The following CLEC12A variants were observed in gnomAD, a reference collection of about 807,000 sequenced individuals.
CLEC12A encodes C-type lectin domain family 12 member A, also known as C-type lectin protein CLL-1.
CLEC12A carries 22 observed loss-of-function variants against 26.5 expected under a neutral mutation model. That is an observed-to-expected ratio of 0.83 (90% CI 0.59 to 1.19). The LOEUF is 1.19. Ranked by LOEUF, CLEC12A falls within the 50% of genes most tolerant of loss-of-function variation. The pLI is 0.00. For synonymous variants in CLEC12A, 119 were observed against 101.9 expected (o/e 1.17, Z -1.01); for missense variants, 353 against 315.6 (o/e 1.12, Z -0.90).
At chr12:9,968,410 G>C (rs767378011), upstream of CLEC12A, among the ~76,000 whole-genome samples, 17 of 152,198 alleles carry the variant, frequency 1.1e-4, no homozygotes, top group Admixed American at 5.9e-4. Context: ...TATAAGATTT[G>C]GGTAGGTAAA....
chr12:9,962,021 C>T (rs1969785), intron 1 of CLEC12A, among the ~76,000 whole-genome samples: 4 of 151,934 alleles, frequency 2.6e-5, no homozygotes, highest in Non-Finnish European at 4.4e-5. Flanking sequence ...GAGTTGTTCT[C>T]GCTGAGTGTA....
chr12:9,971,550 C>G lies in CLEC12A; in HGVS notation c.-47C>G. On this transcript the variant is annotated 5_prime_UTR_variant, in exon 1 of 6. In the 5' UTR this introduces an upstream ATG that the reference lacks. Transcript: ENST00000304361. Reference sequence around the variant, plus strand: ...CATTCAGCTCTGTTAACTCACTCATCTTTTTGTGTTTTTACACTTTGTCAA... The same window carrying G: ...CATTCAGCTCTGTTAACTCACTCATGTTTTTGTGTTTTTACACTTTGTCAA... The G allele has an allele frequency of 6.3e-7, 1 of 1,582,572 alleles. No homozygotes were observed. The highest frequency in any genetic ancestry group is 1.2e-5 in the South Asian group (1 of 84,918).
intron 3 of CLEC12A, 89 bp downstream of exon 3, chr12:9,979,613 C>A: frequency 2.0e-6 from 2 of 978,920 alleles, no homozygotes; most frequent in African/African-American, 1.7e-5. Flanking sequence ...AGCTAGCAGC[C>A]TTTCTCTAGG....
upstream of CLEC12A, among the ~76,000 whole-genome samples, chr12:9,968,826 T>C (rs1465318924): frequency 6.6e-6 from 1 of 152,244 alleles, no homozygotes; most frequent in Non-Finnish European, 1.5e-5. Context: ...TATAGGTTGA[T>C]TTCATATCTT....
intron 4 of CLEC12A, chr12:9,991,208 T>G (rs1039091477): frequency 1.3e-5 from 2 of 152,172 alleles, no homozygotes; most frequent in African/African-American, 4.8e-5. Flanking sequence ...GGAGTTCACT[T>G]AGATGACATG....
At chr12:9,988,211 G>A (rs1864814338), downstream of CLEC12A, among the ~76,000 whole-genome samples, 1 of 152,048 alleles carries the variant, frequency 6.6e-6, no homozygotes, top group Admixed American at 6.6e-5. Context: ...TAAATCATGA[G>A]GGTGGTTCCC....
chr12:9,984,945 C>A lies in CLEC12A; in HGVS notation c.717C>A (p.His239Gln). Residue 239 changes from histidine to glutamine, a missense_variant, in exon 6 of 6, where the codon CAC becomes CAA. Physicochemically the swap from His to Gln is conservative, Grantham distance 24. Coordinates refer to ENST00000304361, the MANE Select transcript of CLEC12A (RefSeq NM_138337.6). ...YINRLYVQYY[H>Q]CTYKKRMICE... is the part of the protein sequence containing the mutation. Reference sequence around the variant, plus strand: ...ATAGACTATATGTTCAATATTATCACTGCACTTATAAAAAAAGAATGATAT... The same window carrying A: ...ATAGACTATATGTTCAATATTATCAATGCACTTATAAAAAAAGAATGATAT... The A allele has an allele frequency of 6.3e-7, 1 of 1,576,562 alleles. No individual in the cohort carries two copies.
upstream of CLEC12A, among the ~76,000 whole-genome samples, chr12:9,968,870 A>T (rs1278196203): frequency 1.3e-5 from 2 of 152,168 alleles, no homozygotes; most frequent in African/African-American, 4.8e-5. Context: ...TAAACATGGG[A>T]GTGCAGGTAT....
At chr12:9,970,936 A>G (rs1864103474), upstream of CLEC12A, among the ~76,000 whole-genome samples, 1 of 152,178 alleles carries the variant, frequency 6.6e-6, no homozygotes, top group Non-Finnish European at 1.5e-5. Flanking sequence ...CAACCTATAT[A>G]TTGTTATTTA....
At chr12:10,002,152 A>G in the CLEC12A span, among the ~76,000 whole-genome samples, 1 of 152,122 alleles carries the variant, frequency 6.6e-6, no homozygotes, top group African/African-American at 2.4e-5. Context: ...AAGTGCTGGG[A>G]TTACAGGCTT....
intron 1 of CLEC12A, among the ~76,000 whole-genome samples, chr12:9,966,126 G>A (rs1225425528): frequency 6.6e-6 from 1 of 152,124 alleles, no homozygotes; most frequent in East Asian, 1.9e-4. Flanking sequence ...GAGTTGGGGA[G>A]TTTTAAGAGG....
At chr12:9,967,382 A>G (rs1389552174), upstream of CLEC12A, among the ~76,000 whole-genome samples, 2 of 152,188 alleles carry the variant, frequency 1.3e-5, no homozygotes, top group African/African-American at 2.4e-5. Flanking sequence ...GGAAAAATGG[A>G]AAGTGACATT....
downstream of CLEC12A, among the ~76,000 whole-genome samples, chr12:9,989,047 G>A (rs570179146): frequency 1.7e-4 from 26 of 152,102 alleles, no homozygotes; most frequent in Non-Finnish European, 3.4e-4. Flanking sequence ...AAAAGGATGA[G>A]TTCATGTCCT....
intron 4 of CLEC12A, among the ~76,000 whole-genome samples, chr12:9,993,857 T>C (rs889638446): frequency 2.6e-5 from 4 of 152,174 alleles, no homozygotes; most frequent in South Asian, 2.1e-4. Context: ...TATATACTTA[T>C]TGGTTTATTT....
chr12:9,999,228 T>C (rs1591854109), downstream of CLEC12A: 1 of 570,856 alleles, frequency 1.8e-6, no homozygotes. Flanking sequence ...CCATGTGAGA[T>C]GGGACACATT....
At chr12:9,997,264 TTGC>T (rs781150132), downstream of CLEC12A, 66 of 1,611,982 alleles carry the variant, frequency 4.1e-5, no homozygotes, top group Admixed American at 1.8e-4. Flanking sequence ...TTGTAGGTAA[TTGC>T]GCTGCATGAC....
chr12:9,978,833 G>T, intron 1 of CLEC12A, 133 bp from the exon 2 acceptor site: 2 of 638,960 alleles, frequency 3.1e-6, no homozygotes, highest in East Asian at 2.7e-5. Context: ...TTCTTGAATG[G>T]CTAGCAAATC....
At chr12:9,996,099 TGACA>T (rs1865039152), downstream of CLEC12A, among the ~76,000 whole-genome samples, 1 of 152,206 alleles carries the variant, frequency 6.6e-6, no homozygotes, top group Non-Finnish European at 1.5e-5. Flanking sequence ...TTGAGCTTCT[TGACA>T]GATATGTGAG....
At chr12:9,951,568 G>A (rs1005129765) in intron 1 of CLEC12A, 2 of 545,346 alleles carry the variant, frequency 3.7e-6, no homozygotes. Flanking sequence ...AGCAGGATCT[G>A]CTTTTCTCAA....
Sources: allele counts gnomAD v4.1 joint callset (sites outside exome capture counted in the v4.1 genomes callset), GRCh38; gene constraint gnomAD v4.1.1; transcripts MANE v1.5; gene names NCBI Gene and HGNC (gene_info 2026-07-23, HGNC 2026-07-21).